The following FGF12 variants were observed in gnomAD, a reference collection of about 807,000 sequenced individuals.
FGF12 encodes the protein fibroblast growth factor 12B.
Under a neutral mutation model 23.6 loss-of-function variants are expected in FGF12, and 14 were observed. The ratio of observed to expected loss-of-function variants is 0.59; its 90% CI spans 0.39 to 0.93. The LOEUF is 0.93. Ranked by LOEUF, FGF12 falls within the 40% of genes least tolerant of loss-of-function variation. FGF12 has a pLI of 0.00. For synonymous variants in FGF12, 62 were observed against 77.3 expected, an observed-to-expected ratio of 0.80 and a Z score of 1.04; for missense variants, 175 against 217.8, an observed-to-expected ratio of 0.80 and a Z score of 1.24.
At chr3:192,708,051 C>T (rs1718536449) in intron 2 of FGF12, among the ~76,000 whole-genome samples, 1 of 152,126 alleles carries the variant, frequency 6.6e-6, no homozygotes. Flanking sequence ...GCTCCGCCTC[C>T]TGGGTTCACT....
At chr3:192,258,021 TAAA>T (rs200983417) in intron 4 of FGF12, among the ~76,000 whole-genome samples, 1 of 135,600 alleles carries the variant, frequency 7.4e-6, no homozygotes, top group Non-Finnish European at 1.6e-5. Context: ...TGGTAAAATT[TAAA>T]AAAAAAAAAA....
chr3:192,671,776 AACACACACAC>A (rs3044660), intron 2 of FGF12, among the ~76,000 whole-genome samples: 3 of 149,356 alleles, frequency 2.0e-5, no homozygotes, highest in African/African-American at 7.4e-5. Flanking sequence ...CTTCTTGACC[AACACACACAC>A]ACACACACAC....
intron 4 of FGF12, among the ~76,000 whole-genome samples, chr3:192,281,447 G>A (rs1040071528): frequency 1.3e-5 from 2 of 152,036 alleles, no homozygotes; most frequent in Non-Finnish European, 2.9e-5. Flanking sequence ...TATATATGTA[G>A]AAAGCCTATT....
intron 2 of FGF12, among the ~76,000 whole-genome samples, chr3:192,588,306 C>G (rs530665419): frequency 1.5e-5 from 2 of 135,738 alleles, no homozygotes. Flanking sequence ...GCCGAGATCG[C>G]GCCACTGCAC....
chr3:192,690,318 G>A (rs1244212245), intron 2 of FGF12, among the ~76,000 whole-genome samples: 1 of 151,494 alleles, frequency 6.6e-6, no homozygotes, highest in Non-Finnish European at 1.5e-5. Context: ...AGATTGAAAG[G>A]AAAAAAAGTA....
At chr3:192,278,295 C>T (rs1317792658) in intron 4 of FGF12, among the ~76,000 whole-genome samples, 1 of 152,132 alleles carries the variant, frequency 6.6e-6, no homozygotes, top group Non-Finnish European at 1.5e-5. Flanking sequence ...GATTACACTG[C>T]TCTAAATTCT....
intron 4 of FGF12, among the ~76,000 whole-genome samples, chr3:192,210,615 A>G (rs1367496303): frequency 1.3e-5 from 2 of 152,228 alleles, no homozygotes; most frequent in Non-Finnish European, 2.9e-5. Flanking sequence ...ATAAATGACA[A>G]TTGCAGCACT....
chr3:192,397,876 C>T (rs1720590362), intron 2 of FGF12, among the ~76,000 whole-genome samples: 1 of 152,122 alleles, frequency 6.6e-6, no homozygotes, highest in African/African-American at 2.4e-5. Flanking sequence ...TTCTAGGACA[C>T]TGTGAAGGTG....
intron 2 of FGF12, among the ~76,000 whole-genome samples, chr3:192,476,560 T>G (rs1268723706): frequency 6.6e-6 from 1 of 152,216 alleles, no homozygotes; most frequent in Non-Finnish European, 1.5e-5. Flanking sequence ...TTTATTTTGT[T>G]GGTATTAATC....
rs997474802 is a variant in FGF12 at position 192,239,970 on chromosome 3, A to T, written c.229-69314T>A. On this transcript the variant is annotated intron_variant, in intron 4 of 5. Transcript: ENST00000445105. ...GTGAGAAAAAGTTGTATTAGACACTATGGGTGCAGGGGGGAAGATCCCAGA... is the reference window on the plus strand; with the variant it reads ...GTGAGAAAAAGTTGTATTAGACACTTTGGGTGCAGGGGGGAAGATCCCAGA... Among the ~76,000 whole-genome samples, 13 of 152,304 alleles carry T rather than the reference A, an allele frequency of 8.5e-5. 1 individual carries two copies. In the East Asian group the frequency reaches 1.4e-3, roughly 16 times the overall value.
intron 2 of FGF12, among the ~76,000 whole-genome samples, chr3:192,374,948 A>G (rs973031482): frequency 1.3e-5 from 2 of 152,296 alleles, no homozygotes; most frequent in Middle Eastern, 3.4e-3. Context: ...CTTTAATTCC[A>G]TTCCATTACT....
chr3:192,216,899 C>T (rs1718220061), intron 4 of FGF12, among the ~76,000 whole-genome samples: 1 of 152,202 alleles, frequency 6.6e-6, no homozygotes, highest in Non-Finnish European at 1.5e-5. Flanking sequence ...TACTGGTAAG[C>T]ATCTTAATAA....
At chr3:192,604,011 C>A (rs1444861506) in intron 2 of FGF12, among the ~76,000 whole-genome samples, 2 of 152,214 alleles carry the variant, frequency 1.3e-5, no homozygotes, top group South Asian at 2.1e-4. Flanking sequence ...GACCTCCCCC[C>A]AGGAATGAAT....
At chr3:192,381,302 T>C (rs1011951377) in intron 2 of FGF12, among the ~76,000 whole-genome samples, 5 of 152,182 alleles carry the variant, frequency 3.3e-5, no homozygotes, top group African/African-American at 4.8e-5. Flanking sequence ...AAAGACCACG[T>C]ACATTCTGAA....
chr3:192,638,946 C>A (rs1715685304), intron 2 of FGF12, among the ~76,000 whole-genome samples: 1 of 152,210 alleles, frequency 6.6e-6, no homozygotes, highest in Non-Finnish European at 1.5e-5. Flanking sequence ...TAGAAATTCA[C>A]TTCTGGCTTT....
chr3:192,247,032 A>AAGGAAG (rs1711642446), intron 4 of FGF12, among the ~76,000 whole-genome samples: 1 of 86,320 alleles, frequency 1.2e-5, no homozygotes, highest in African/African-American at 4.6e-5. Flanking sequence ...AGGGAAGGAA[A>AAGGAAG]GAAGGAAGGA....
In FGF12 at chr3:192,246,297, C is replaced by A. The variant is rs145752573; in HGVS notation, c.229-75641G>T. On this transcript the variant is annotated intron_variant, in intron 4 of 5. Transcript: ENST00000445105. ...AGGTGACATCAAGAACCACTTGGAA[C>A]AATAAAAGGGAAAGAAATTAATCTT... Among the ~76,000 whole-genome samples the A allele has an allele frequency of 3.8e-4, 58 of 151,884 alleles. 3 individuals carry two copies. The East Asian group carries it at 0.01, about 27-fold the overall frequency.
In FGF12 at chr3:192,680,841, C is replaced by G. The variant is rs756352130; in HGVS notation, c.13+46340G>C. On this transcript the variant is annotated intron_variant, in intron 2 of 5. Transcript: ENST00000445105. ...ATTTGCCAGGTCATTAGATGCTAGACTCATAATAATAAACAAAAGTGTCCC... is the reference window on the plus strand; with the variant it reads ...ATTTGCCAGGTCATTAGATGCTAGAGTCATAATAATAAACAAAAGTGTCCC... Among the ~76,000 whole-genome samples, 3 of 152,152 alleles carry G rather than the reference C, an allele frequency of 2.0e-5. No individual in the cohort carries two copies. In the East Asian group the frequency reaches 5.8e-4, roughly 29 times the overall value.
intron 2 of FGF12, among the ~76,000 whole-genome samples, chr3:192,484,683 C>T (rs1332910912): frequency 1.3e-5 from 2 of 152,094 alleles, no homozygotes; most frequent in Non-Finnish European, 2.9e-5. Flanking sequence ...GGTGGGCGGA[C>T]CTTATGCACT....
Sources: gnomAD v4.1 joint callset for allele counts (sites outside exome capture counted in the v4.1 genomes callset) on GRCh38, gnomAD v4.1.1 for gene constraint, MANE v1.5 for transcripts, NCBI Gene and HGNC (gene_info 2026-07-23, HGNC 2026-07-21) for gene names.